THNSL1: variants seen among roughly 807,000 people sequenced by gnomAD.
THNSL1 encodes threonine synthase like 1.
Under a neutral mutation model 50.4 loss-of-function variants are expected in THNSL1, and 48 were observed. That is an observed-to-expected ratio of 0.95 (90% CI 0.76 to 1.21). The LOEUF (loss-of-function observed/expected upper bound fraction) is 1.21, where lower values mean the gene tolerates loss of function less well. Ranked by LOEUF, THNSL1 falls within the 50% of genes most tolerant of loss-of-function variation. The probability of loss-of-function intolerance (pLI) is 0.00; values close to 1 mark genes in which losing one functional copy is unlikely to be tolerated. For synonymous variants in THNSL1, 309 were observed against 306.1 expected (o/e 1.01, Z -0.10); for missense variants, 896 against 871.7 (o/e 1.03, Z -0.35).
chr10:24,966,889 C>T, the THNSL1 span, among the ~76,000 whole-genome samples: 1 of 152,042 alleles, frequency 6.6e-6, no homozygotes, highest in African/African-American at 2.4e-5. Flanking sequence ...TAACGCAGAC[C>T]CTAGTAAGAA....
At chr10:25,011,572 A>G in the THNSL1 span, among the ~76,000 whole-genome samples, 1 of 152,202 alleles carries the variant, frequency 6.6e-6, no homozygotes, top group East Asian at 1.9e-4. Flanking sequence ...CACCTTATAC[A>G]AAAATTAATT....
the THNSL1 span, among the ~76,000 whole-genome samples, chr10:24,971,662 G>T: frequency 6.6e-6 from 1 of 152,328 alleles, no homozygotes; most frequent in Non-Finnish European, 1.5e-5. Flanking sequence ...TTTAAAAAAG[G>T]TAACATCTAG....
chr10:24,998,194 C>T, the THNSL1 span, among the ~76,000 whole-genome samples: 504 of 152,172 alleles, frequency 3.3e-3, 5 homozygotes, highest in African/African-American at 0.011. Context: ...CATCGCTAGC[C>T]GGGCTTGAGA....
At position 25,023,201 on chromosome 10, in the gene THNSL1, T is replaced by G; in HGVS notation, c.-23T>G. 6.3e-7 allele frequency: 1 copy of G among 1,586,470 alleles called. No homozygotes were observed. The highest frequency in any genetic ancestry group is 8.6e-7 in the Non-Finnish European group (1 of 1,167,272). On this transcript the variant is annotated 5_prime_UTR_variant, in exon 3 of 3. Coordinates refer to ENST00000376356, the MANE Select transcript of THNSL1 (RefSeq NM_024838.5). ...GGCTAAAGCCAATTTTTAGGTTGGC[T>G]TGGGCAGAAAAGTGAAAAGAGAATG...
rs1411588040 is a variant in THNSL1 at position 25,025,442 on chromosome 10, A to G, written c.2219A>G (p.Asn740Ser). Reference protein sequence around the residue: ...LKSHVEQLVQNQFI With the variant: ...LKSHVEQLVQSQFI ...AGTCATGTGGAACAACTTGTCCAAA[A>G]TCAATTCATATGAAAGCTTTCAGAG... Residue 740 changes from asparagine (N) to serine (S), a missense_variant, in exon 3 of 3, where the codon AAT becomes AGT. Transcript: ENST00000376356. 1 of 1,601,884 alleles carries G rather than the reference A, an allele frequency of 6.2e-7. No individual in the cohort carries two copies. Among genetic ancestry groups the G allele is most frequent in the South Asian group, 1.1e-5 (1 of 88,292 alleles).
chr10:24,975,557 C>T, the THNSL1 span, among the ~76,000 whole-genome samples: 1 of 152,082 alleles, frequency 6.6e-6, no homozygotes, highest in South Asian at 2.1e-4. Flanking sequence ...ATGCTTTCCC[C>T]CATGCTGTTA....
chr10:24,981,689 C>T, the THNSL1 span, among the ~76,000 whole-genome samples: 3 of 152,204 alleles, frequency 2.0e-5, no homozygotes, highest in African/African-American at 7.2e-5. Context: ...TCCATTCATT[C>T]TCATAACTCT....
At chr10:24,993,524 T>C in the THNSL1 span, among the ~76,000 whole-genome samples, 1 of 152,342 alleles carries the variant, frequency 6.6e-6, no homozygotes, top group South Asian at 2.1e-4. Flanking sequence ...ATGGTATGAA[T>C]GGCATATAAT....
At chr10:25,002,325 T>C in the THNSL1 span, among the ~76,000 whole-genome samples, 1 of 152,236 alleles carries the variant, frequency 6.6e-6, no homozygotes, top group Non-Finnish European at 1.5e-5. Flanking sequence ...TCCACAGTCC[T>C]CTCTCTATGC....
chr10:24,977,317 C>T, the THNSL1 span, among the ~76,000 whole-genome samples: 8 of 152,094 alleles, frequency 5.3e-5, no homozygotes, highest in Non-Finnish European at 1.0e-4. Flanking sequence ...AGAAGTTGGT[C>T]ATAGTGGTTG....
chr10:24,962,163 A>T, the THNSL1 span, among the ~76,000 whole-genome samples: 1 of 152,354 alleles, frequency 6.6e-6, no homozygotes, highest in South Asian at 2.1e-4. Context: ...AGATGAGCTA[A>T]CACGCTCCCA....
Position 25,024,295 on chromosome 10 carries a change from A to C in THNSL1, c.1072A>C (p.Met358Leu), listed in dbSNP as rs1472865795. 5.0e-6 allele frequency: 8 copies of C among 1,614,220 alleles called. No homozygotes were observed. Among genetic ancestry groups the C allele is most frequent in the Non-Finnish European group, 6.8e-6 (8 of 1,180,020 alleles). The part of the protein sequence containing the change: ...GSFKDLSLQL[M>L]PHIFAHCIPP... ...ATTTAAAGATTTGTCTTTACAGCTTATGCCTCATATTTTTGCACACTGTAT... is the reference window on the plus strand; with the variant it reads ...ATTTAAAGATTTGTCTTTACAGCTTCTGCCTCATATTTTTGCACACTGTAT... The change falls in exon 3 of 3, where the codon ATG becomes CTG. Residue 358 changes from methionine to leucine, a missense_variant. Coordinates refer to ENST00000376356, the MANE Select transcript of THNSL1 (RefSeq NM_024838.5).
At chr10:25,020,200 C>T (rs1353432469) in intron 1 of THNSL1, among the ~76,000 whole-genome samples, 2 of 150,400 alleles carry the variant, frequency 1.3e-5, no homozygotes, top group African/African-American at 5.0e-5. Context: ...AATATTGATA[C>T]AGAATTTACA....
intron 1 of THNSL1, among the ~76,000 whole-genome samples, chr10:25,019,794 G>C (rs1850681668): frequency 6.6e-6 from 1 of 152,122 alleles, no homozygotes; most frequent in Non-Finnish European, 1.5e-5. Context: ...AAAAGCCTTG[G>C]AGTGCACTAC....
the THNSL1 span, among the ~76,000 whole-genome samples, chr10:24,956,384 G>A: frequency 2.6e-5 from 4 of 151,194 alleles, no homozygotes; most frequent in Admixed American, 6.6e-5. Flanking sequence ...TCTTTGCAAA[G>A]TTAATAACCA....
chr10:25,023,962 T>G lies in THNSL1; in HGVS notation c.739T>G (p.Ser247Ala). 1 of 1,614,214 alleles carries G rather than the reference T, an allele frequency of 6.2e-7. No individual in the cohort carries two copies. Among genetic ancestry groups the G allele is most frequent in the Non-Finnish European group, 8.5e-7 (1 of 1,180,016 alleles). Reference sequence around the variant, plus strand: ...GCCTGAAGACTGTGAACAGAAGGTTTCAGCAAAATTCTTTAGTGAAGCTGT... The same window carrying G: ...GCCTGAAGACTGTGAACAGAAGGTTGCAGCAAAATTCTTTAGTGAAGCTGT... The part of the protein sequence containing the change: ...VWPEDCEQKV[S>A]AKFFSEAVIE... The change falls in exon 3 of 3, where the codon TCA (serine) becomes GCA (alanine). Residue 247 changes from serine to alanine, a missense_variant. Transcript: ENST00000376356.
chr10:24,957,253 G>A, the THNSL1 span, among the ~76,000 whole-genome samples: 11 of 152,078 alleles, frequency 7.2e-5, no homozygotes, highest in South Asian at 2.1e-4. Context: ...AGATCATGTC[G>A]TATTTGCCTT....
At chr10:25,014,109 T>C (rs193078517), upstream of THNSL1, among the ~76,000 whole-genome samples, 2 of 152,296 alleles carry the variant, frequency 1.3e-5, no homozygotes, top group Admixed American at 1.3e-4. Flanking sequence ...TGCAGAAAAG[T>C]GCCTTTCATC....
the THNSL1 span, among the ~76,000 whole-genome samples, chr10:25,008,279 C>G: frequency 2.0e-4 from 30 of 152,188 alleles, 1 homozygote; most frequent in South Asian, 5.8e-3. Context: ...TCTAGACTTT[C>G]TTTGAATATA....
Sources: gnomAD v4.1 joint callset for allele counts (sites outside exome capture counted in the v4.1 genomes callset) on GRCh38, gnomAD v4.1.1 for gene constraint, MANE v1.5 for transcripts, NCBI Gene and HGNC (gene_info 2026-07-23, HGNC 2026-07-21) for gene names.